BICC1: variants seen among roughly 807,000 people sequenced by gnomAD.
BICC1 encodes the protein protein bicaudal C homolog 1.
Under a neutral mutation model 111.0 loss-of-function variants are expected in BICC1, and 43 were observed. The observed-to-expected ratio is 0.39, with a 90% CI of 0.30 to 0.50. BICC1 has a LOEUF of 0.50. Among genes scored for constraint, BICC1 ranks in the 20% least tolerant of loss-of-function variants. The pLI is 0.88. For missense variants in BICC1, 1,091 were observed against 1,203.2 expected (o/e 0.91, Z 1.38); for synonymous variants, 467 against 434.4 (o/e 1.07, Z -0.93).
rs1844311189 is a variant in BICC1 at position 58,823,522 on chromosome 10, C to T, written c.2794+3054C>T. On this transcript the variant is annotated intron_variant, in intron 20 of 20. Transcript: ENST00000373886. ...GATTAGGGTTGGATTCCCTTGTGAT[C>T]ATTTTACTGTTTCAAAGATCTAGCT... 9.1e-6 allele frequency: 9 copies of T among 983,714 alleles called. No homozygotes were observed. In the South Asian group the frequency reaches 3.3e-4, roughly 36 times the overall value. The allele number at this position is 983,714 out of a possible 1,614,324, so 60.9% of individuals were successfully genotyped here.
intron 5 of BICC1, among the ~76,000 whole-genome samples, chr10:58,787,290 T>C (rs1232979457): frequency 6.6e-6 from 1 of 152,156 alleles, no homozygotes; most frequent in Non-Finnish European, 1.5e-5. Context: ...AAACTCTTGA[T>C]CTTGAAATCA....
intron 2 of BICC1, among the ~76,000 whole-genome samples, chr10:58,629,636 C>T (rs1412552454): frequency 6.6e-6 from 1 of 152,106 alleles, no homozygotes. Flanking sequence ...TTCAGAATCA[C>T]ACTAAGGTTT....
intron 15 of BICC1, among the ~76,000 whole-genome samples, chr10:58,804,124 AT>A (rs1406687234): frequency 6.6e-6 from 1 of 152,024 alleles, no homozygotes; most frequent in African/African-American, 2.4e-5. Context: ...CTCCTTCTCT[AT>A]TTTTTTAATC....
intron 1 of BICC1, among the ~76,000 whole-genome samples, chr10:58,541,737 A>G (rs1842987507): frequency 6.6e-6 from 1 of 152,154 alleles, no homozygotes; most frequent in Non-Finnish European, 1.5e-5. Flanking sequence ...CAGAGGACCC[A>G]GAAAAGCCAA....
intron 3 of BICC1, among the ~76,000 whole-genome samples, chr10:58,729,928 A>G (rs1172549388): frequency 3.3e-5 from 5 of 152,198 alleles, no homozygotes; most frequent in Non-Finnish European, 7.3e-5. Context: ...GTGAGGACAC[A>G]GATTTAAACC....
At position 58,688,607 on chromosome 10, in the gene BICC1, A is replaced by G. The variant is rs142804855; in HGVS notation, c.238-13467A>G. On this transcript the variant is annotated intron_variant, in intron 2 of 20. Transcript: ENST00000373886. ...TATGTTTATTGCAGCACTATTTACA[A>G]TAGCAAAGACTTGTAACCACCCGAA... 5.8e-3 allele frequency among the ~76,000 whole-genome samples: 890 copies of G among 152,320 alleles called. 8 individuals are homozygous for G. Among genetic ancestry groups the G allele is most frequent in the African/African-American group, 0.02 (849 of 41,570 alleles).
chr10:58,747,641 T>C (rs1436979296), intron 3 of BICC1, among the ~76,000 whole-genome samples: 1 of 152,180 alleles, frequency 6.6e-6, no homozygotes, highest in Admixed American at 6.6e-5. Flanking sequence ...CTTTCAGTTA[T>C]TTTAAAATAT....
chr10:58,595,232 G>A (rs1844773561), intron 1 of BICC1, among the ~76,000 whole-genome samples: 1 of 152,124 alleles, frequency 6.6e-6, no homozygotes, highest in Non-Finnish European at 1.5e-5. Context: ...TTAGAGACCT[G>A]CAAAGAGACT....
At chr10:58,723,352 G>A (rs1011787372) in intron 3 of BICC1, among the ~76,000 whole-genome samples, 1 of 152,114 alleles carries the variant, frequency 6.6e-6, no homozygotes, top group Non-Finnish European at 1.5e-5. Context: ...GAAGACACTG[G>A]GGAGTGTTCA....
chr10:58,683,179 G>T (rs1188843876), intron 2 of BICC1, among the ~76,000 whole-genome samples: 1 of 152,210 alleles, frequency 6.6e-6, no homozygotes, highest in Non-Finnish European at 1.5e-5. Flanking sequence ...CTTTGTCAAA[G>T]ATCAGATGGT....
chr10:58,556,207 G>A (rs1354187998), intron 1 of BICC1, among the ~76,000 whole-genome samples: 1 of 151,940 alleles, frequency 6.6e-6, no homozygotes, highest in Admixed American at 6.6e-5. Flanking sequence ...ATTTTTATTG[G>A]CATGGATGTA....
intron 1 of BICC1, among the ~76,000 whole-genome samples, chr10:58,523,446 C>A (rs1460611148): frequency 6.6e-6 from 1 of 152,182 alleles, no homozygotes; most frequent in Non-Finnish European, 1.5e-5. Flanking sequence ...GAACCAACGA[C>A]AAAAACCATA....
chr10:58,562,247 C>G (rs1843625914), intron 1 of BICC1, among the ~76,000 whole-genome samples: 1 of 151,986 alleles, frequency 6.6e-6, no homozygotes, highest in Admixed American at 6.6e-5. Flanking sequence ...AATATGTTCA[C>G]TTATTTGTGT....
intron 3 of BICC1, among the ~76,000 whole-genome samples, chr10:58,772,292 A>G (rs1203258340): frequency 7.2e-5 from 11 of 152,164 alleles, no homozygotes. Context: ...TTTTTTTAAA[A>G]AAAGAGCAAG....
intron 1 of BICC1, among the ~76,000 whole-genome samples, chr10:58,583,584 CTG>C (rs3076149): frequency 0.63 from 87,504 of 138,902 alleles, 28,485 homozygotes; most frequent in Middle Eastern, 0.74. Context: ...TTCTCTCTCT[CTG>C]TGTGTGTGTG....
At chr10:58,572,600 G>T (rs549440586) in intron 1 of BICC1, among the ~76,000 whole-genome samples, 1 of 152,160 alleles carries the variant, frequency 6.6e-6, no homozygotes, top group African/African-American at 2.4e-5. Context: ...TTTATTCAGT[G>T]TTGTAATTCC....
At chr10:58,737,273 G>GGT (rs1841500489) in intron 3 of BICC1, among the ~76,000 whole-genome samples, 1 of 151,966 alleles carries the variant, frequency 6.6e-6, no homozygotes, top group African/African-American at 2.4e-5. Flanking sequence ...AACAGTCCCT[G>GGT]GTGTGTGATA....
At chr10:58,547,063 G>T (rs1229572077) in intron 1 of BICC1, among the ~76,000 whole-genome samples, 2 of 152,124 alleles carry the variant, frequency 1.3e-5, no homozygotes, top group African/African-American at 4.8e-5. Context: ...ATATAGTACA[G>T]CGAGTCCCCC....
At chr10:58,823,643 A>G (rs1375572663) in intron 20 of BICC1, 3 of 985,128 alleles carry the variant, frequency 3.0e-6, no homozygotes, top group Non-Finnish European at 3.6e-6. Context: ...TACATGTTAT[A>G]TATGCTAAAG....
Sources: allele counts gnomAD v4.1 joint callset (sites outside exome capture counted in the v4.1 genomes callset), GRCh38; gene constraint gnomAD v4.1.1; transcripts MANE v1.5; gene names NCBI Gene and HGNC (gene_info 2026-07-23, HGNC 2026-07-21).